USP32: variants seen among roughly 807,000 people sequenced by gnomAD.
The protein encoded by USP32 is ubiquitin specific peptidase 32.
Under a neutral mutation model 204.8 loss-of-function variants are expected in USP32, and 59 were observed. The ratio of observed to expected loss-of-function variants is 0.29; its 90% CI spans 0.23 to 0.36. The LOEUF is 0.36. USP32 is among the 10% of genes least tolerant of loss of function. The pLI is 1.00. For synonymous variants in USP32, 517 were observed against 678.4 expected, an observed-to-expected ratio of 0.76 and a Z score of 3.70; for missense variants, 1,160 against 1,946.4, an observed-to-expected ratio of 0.60 and a Z score of 7.60.
intron 1 of USP32, among the ~76,000 whole-genome samples, chr17:60,362,580 G>C (rs796249805): frequency 4.6e-5 from 7 of 152,298 alleles, no homozygotes; most frequent in African/African-American, 1.7e-4. Flanking sequence ...CTGCAGGAGA[G>C]TCTTAAACAT....
chr17:60,235,346 A>G (rs2085693864), intron 12 of USP32, among the ~76,000 whole-genome samples: 1 of 152,228 alleles, frequency 6.6e-6, no homozygotes, highest in Non-Finnish European at 1.5e-5. Flanking sequence ...CCTACTTTTT[A>G]TTCCTTCAGA....
At chr17:60,216,137 T>C (rs149762901) in intron 16 of USP32, among the ~76,000 whole-genome samples, 12 of 151,620 alleles carry the variant, frequency 7.9e-5, no homozygotes, top group Non-Finnish European at 1.5e-4. Flanking sequence ...GACATGACCT[T>C]GAATTCCTGA....
chr17:60,229,333 C>T (rs994188220), intron 12 of USP32, among the ~76,000 whole-genome samples: 6 of 152,074 alleles, frequency 3.9e-5, no homozygotes, highest in Admixed American at 3.3e-4. Flanking sequence ...ATGAGTCACC[C>T]GGCCAAAGGC....
intron 2 of USP32, among the ~76,000 whole-genome samples, chr17:60,338,324 CA>C (rs535885155): frequency 0.043 from 4,103 of 94,428 alleles, 96 homozygotes; most frequent in African/African-American, 0.12. Context: ...GACTCTATCT[CA>C]AAAAAAAAAA....
chr17:60,228,976 T>C (rs1447501911), intron 12 of USP32, among the ~76,000 whole-genome samples: 2 of 152,046 alleles, frequency 1.3e-5, no homozygotes, highest in Non-Finnish European at 2.9e-5. Context: ...TAAATTAGGT[T>C]TCAAAAGAAA....
At position 60,265,423 on chromosome 17, in the gene USP32, C is replaced by A; in HGVS notation, c.979G>T (p.Asp327Tyr). ...DIVEGILNAH[D>Y]TTKMGHLTLE... is the part of the protein sequence containing the mutation. ...CTATCTAGACTCACCTTTGTGGTGT[C>A]ATGTGCATTCAGTATGCCTTCTACA... The change falls in exon 9 of 34, where the codon GAC (aspartate) becomes TAC (tyrosine). Residue 327 changes from aspartate to tyrosine, a missense_variant. Physicochemically the swap from Asp to Tyr is radical, Grantham distance 160. Coordinates refer to ENST00000300896, the MANE Select transcript of USP32 (RefSeq NM_032582.4). 6.2e-7 allele frequency: 1 copy of A among 1,604,696 alleles called. No individual in the cohort carries two copies.
chr17:60,364,259 C>A (rs1598288299), intron 1 of USP32, among the ~76,000 whole-genome samples: 1 of 152,156 alleles, frequency 6.6e-6, no homozygotes. Flanking sequence ...TTCCTGAAGG[C>A]CCCACTTCTT....
At chr17:60,363,568 T>A (rs1429124630) in intron 1 of USP32, among the ~76,000 whole-genome samples, 1 of 150,310 alleles carries the variant, frequency 6.7e-6, no homozygotes, top group Non-Finnish European at 1.5e-5. Context: ...AAGGCTGGAG[T>A]ACAGTAGTGC....
At chr17:60,406,494 C>G (rs1598320812) in intron 1 of USP32, among the ~76,000 whole-genome samples, 1 of 151,894 alleles carries the variant, frequency 6.6e-6, no homozygotes, top group East Asian at 1.9e-4. Flanking sequence ...TTCTGAAATT[C>G]TACATTGAAG....
At chr17:60,383,616 G>A (rs1192097022) in intron 1 of USP32, among the ~76,000 whole-genome samples, 1 of 152,234 alleles carries the variant, frequency 6.6e-6, no homozygotes. Context: ...AGGCGTCCTT[G>A]AGGCCATCTG....
chr17:60,271,232 A>T, intron 6 of USP32, 118 bp downstream of exon 6: 1 of 1,331,148 alleles, frequency 7.5e-7, no homozygotes, highest in Non-Finnish European at 1.0e-6. Flanking sequence ...CCACTCCATT[A>T]AACCTGCAAA....
chr17:60,383,535 T>C (rs2089681341), intron 1 of USP32, among the ~76,000 whole-genome samples: 1 of 152,264 alleles, frequency 6.6e-6, no homozygotes, highest in Non-Finnish European at 1.5e-5. Flanking sequence ...TGATAAAGGC[T>C]GTACACAAAC....
chr17:60,329,698 T>C (rs958938645), intron 2 of USP32, among the ~76,000 whole-genome samples: 6 of 152,172 alleles, frequency 3.9e-5, no homozygotes, highest in African/African-American at 1.4e-4. Context: ...ATGCAAAATA[T>C]CTAGAATACC....
In USP32 at chr17:60,238,885, A is replaced by T. The variant is rs1218451786; in HGVS notation, c.1137-2645T>A. Among the ~76,000 whole-genome samples, 3 of 151,402 alleles carry T rather than the reference A, an allele frequency of 2.0e-5. No individual in the cohort carries two copies. In the East Asian group the frequency reaches 5.8e-4, roughly 29 times the overall value. ...TACTCACGAAGCTGAGGTGGGAGGG[A>T]GTTTGAGGTTGCAGTGAGCTGTGAT... On this transcript the variant is annotated intron_variant, in intron 11 of 33. Coordinates refer to ENST00000300896, the MANE Select transcript of USP32 (RefSeq NM_032582.4).
chr17:60,415,074 G>T (rs73990403), intron 1 of USP32, among the ~76,000 whole-genome samples: 1 of 152,050 alleles, frequency 6.6e-6, no homozygotes, highest in Non-Finnish European at 1.5e-5. Flanking sequence ...TAAATTTTTC[G>T]TTATTTTCAT....
intron 1 of USP32, among the ~76,000 whole-genome samples, chr17:60,357,739 A>G (rs1197481481): frequency 6.6e-6 from 1 of 152,042 alleles, no homozygotes; most frequent in African/African-American, 2.4e-5. Context: ...AGCAGTGAAG[A>G]GTATTCATAT....
In USP32 at chr17:60,178,629, C is replaced by G. The variant is rs2084025830; in HGVS notation, c.*626G>C. Among the ~76,000 whole-genome samples, 1 of 152,130 alleles carries G rather than the reference C, an allele frequency of 6.6e-6. No individual in the cohort carries two copies. On this transcript the variant is annotated 3_prime_UTR_variant, in exon 34 of 34. Transcript: ENST00000300896. The stretch of plus-strand genomic sequence containing the variant: ...TCAGACTGACCACTATATGCCCCTG[C>G]CACCAATGACTGGTTGTGTCTCAAA...
At chr17:60,335,886 A>G (rs2088503349) in intron 2 of USP32, among the ~76,000 whole-genome samples, 1 of 143,152 alleles carries the variant, frequency 7.0e-6, no homozygotes, top group Admixed American at 6.8e-5. Flanking sequence ...AAATTTTGGC[A>G]GAGTCTGTAA....
chr17:60,262,260 T>C (rs976715495), intron 9 of USP32, among the ~76,000 whole-genome samples: 3 of 152,156 alleles, frequency 2.0e-5, no homozygotes, highest in African/African-American at 7.2e-5. Context: ...GGTGTCATCT[T>C]GGCTCACTGC....
Sources: allele counts gnomAD v4.1 joint callset (sites outside exome capture counted in the v4.1 genomes callset), GRCh38; gene constraint gnomAD v4.1.1; transcripts MANE v1.5; gene names NCBI Gene and HGNC (gene_info 2026-07-23, HGNC 2026-07-21).